PAIP2B: variants seen among roughly 807,000 people sequenced by gnomAD.
PAIP2B encodes the protein polyadenylate-binding protein-interacting protein 2B.
PAIP2B carries 13 observed loss-of-function variants against 17.0 expected under a neutral mutation model. The observed-to-expected ratio is 0.76, with a 90% CI of 0.50 to 1.22. The LOEUF (loss-of-function observed/expected upper bound fraction) is 1.22. Among genes scored for constraint, PAIP2B ranks in the 50% most tolerant of loss-of-function variants. The pLI, the probability that PAIP2B is intolerant of heterozygous loss-of-function variation, is 0.00. For synonymous variants in PAIP2B, 43 were observed against 48.7 expected (o/e 0.88, Z 0.48); for missense variants, 117 against 144.5 (o/e 0.81, Z 0.98).
chr2:71,207,974 TAGG>T (rs941107414), intron 1 of PAIP2B, among the ~76,000 whole-genome samples: 3 of 152,172 alleles, frequency 2.0e-5, no homozygotes, highest in African/African-American at 4.8e-5. Context: ...GCACCAAGAA[TAGG>T]AGAAGTCTGC....
chr2:71,211,391 T>TA, intron 1 of PAIP2B, among the ~76,000 whole-genome samples: 1 of 152,352 alleles, frequency 6.6e-6, no homozygotes. Flanking sequence ...TCTGATTTGT[T>TA]AGGCCTGAGC....
At position 71,186,563 on chromosome 2, in the gene PAIP2B, A is replaced by C. The variant is rs1259730902; in HGVS notation, c.*1916T>G. 1 of 152,254 alleles carries C rather than the reference A, an allele frequency of 6.6e-6. No homozygotes were observed. The highest frequency in any genetic ancestry group is 2.4e-5 in the African/African-American group (1 of 41,472). The allele number at this position is 152,254 out of a possible 1,614,324, so 9.4% of individuals were successfully genotyped here. On this transcript the variant is annotated 3_prime_UTR_variant, in exon 4 of 4. Transcript: ENST00000244221. ...CGGAATTCTGAGCTTGGACAGGCTCACGAGGATGAAGGAGGAAAAGCAGTC... is the reference window on the plus strand; with the variant it reads ...CGGAATTCTGAGCTTGGACAGGCTCCCGAGGATGAAGGAGGAAAAGCAGTC...
chr2:71,203,508 AC>A (rs554062542), intron 1 of PAIP2B, among the ~76,000 whole-genome samples: 62 of 152,166 alleles, frequency 4.1e-4, no homozygotes, highest in African/African-American at 1.5e-3. Context: ...ATTCATGAGT[AC>A]TATCATTTTC....
At chr2:71,189,717 G>C in intron 3 of PAIP2B, 128 bp downstream of exon 3, 2 of 837,728 alleles carry the variant, frequency 2.4e-6, no homozygotes, top group Non-Finnish European at 3.5e-6. Context: ...CCCATAAAAC[G>C]AGCAAAGAAA....
chr2:71,187,378 C>G lies in PAIP2B; in HGVS notation c.*1101G>C, dbSNP rs1449538362. 2 of 152,190 alleles carry G rather than the reference C, an allele frequency of 1.3e-5. No individual in the cohort carries two copies. Among genetic ancestry groups the G allele is most frequent in the Non-Finnish European group, 2.9e-5 (2 of 68,044 alleles). The allele number at this position is 152,190 out of a possible 1,614,324, so 9.4% of individuals were successfully genotyped here. A position where few individuals can be genotyped will look rare whatever the true frequency, so the allele number is the denominator to read the frequency against. Reference sequence around the variant, plus strand: ...ACACAGTCACATGGGTCAAGCAGGACTCACTTTCCTAGGCTGATTTTGAGT... The same window carrying G: ...ACACAGTCACATGGGTCAAGCAGGAGTCACTTTCCTAGGCTGATTTTGAGT... On this transcript the variant is annotated 3_prime_UTR_variant, in exon 4 of 4. Transcript: ENST00000244221.
At chr2:71,223,136 G>A (rs981796663) in intron 1 of PAIP2B, among the ~76,000 whole-genome samples, 2 of 152,178 alleles carry the variant, frequency 1.3e-5, no homozygotes, top group Non-Finnish European at 2.9e-5. Flanking sequence ...TTTGAGGCTG[G>A]ATGCAGAGGC....
intron 1 of PAIP2B, among the ~76,000 whole-genome samples, chr2:71,216,324 A>G (rs1366216249): frequency 6.6e-6 from 1 of 152,194 alleles, no homozygotes; most frequent in Non-Finnish European, 1.5e-5. Context: ...ACTAAATCCT[A>G]TTTGCCTAGA....
At chr2:71,218,734 C>G (rs1451905038) in intron 1 of PAIP2B, among the ~76,000 whole-genome samples, 2 of 151,812 alleles carry the variant, frequency 1.3e-5, no homozygotes, top group African/African-American at 4.8e-5. Flanking sequence ...TAATATATAG[C>G]CAGCTATTAA....
At chr2:71,212,906 A>G (rs1572935086) in intron 1 of PAIP2B, among the ~76,000 whole-genome samples, 1 of 150,812 alleles carries the variant, frequency 6.6e-6, no homozygotes, top group South Asian at 2.1e-4. Context: ...GGTGTACACC[A>G]CCAGGCATGG....
chr2:71,186,945 TC>T lies in PAIP2B; in HGVS notation c.*1533del, dbSNP rs1674557797. The T allele has an allele frequency of 6.6e-6, 1 of 152,254 alleles. No homozygotes were observed. Among genetic ancestry groups the T allele is most frequent in the South Asian group, 2.1e-4 (1 of 4,836 alleles). 9.4% of individuals were successfully genotyped at this position (152,254 alleles called of 1,614,324 possible). A position where few individuals can be genotyped will look rare whatever the true frequency, so the allele number is the denominator to read the frequency against. On this transcript the variant is annotated 3_prime_UTR_variant, in exon 4 of 4. Transcript: ENST00000244221. ...CTCATAAGGAGAATTTCTTCAGCTT[TC>T]CATACCCTAGTCCTTTCCTTCCAAC... is the stretch of plus-strand genomic sequence containing the variant.
chr2:71,183,505 G>T lies in PAIP2B; in HGVS notation c.*4974C>A, dbSNP rs1302625853. The stretch of plus-strand genomic sequence containing the variant: ...TCCCCTATAAGTCCTACGTTCGGAG[G>T]GTTCCGTTTAGACAACAGGAAGTTG... On this transcript the variant is annotated 3_prime_UTR_variant, in exon 4 of 4. Coordinates refer to ENST00000244221, the MANE Select transcript of PAIP2B (RefSeq NM_020459.1). 1.9e-4 allele frequency: 26 copies of T among 133,686 alleles called. No homozygotes were observed. The highest frequency in any genetic ancestry group is 1.3e-3 in the Admixed American group (17 of 12,622). 8.3% of individuals were successfully genotyped at this position (133,686 alleles called of 1,614,324 possible).
intron 2 of PAIP2B, 32 bp from the exon 3 acceptor site, chr2:71,190,053 C>G (rs764676428): frequency 6.3e-7 from 1 of 1,587,318 alleles, no homozygotes; most frequent in East Asian, 2.3e-5. Flanking sequence ...CTCAGACTTA[C>G]TGTCACAGCA....
At chr2:71,200,070 T>A (rs955989778) in intron 2 of PAIP2B, among the ~76,000 whole-genome samples, 1 of 152,352 alleles carries the variant, frequency 6.6e-6, no homozygotes, top group Non-Finnish European at 1.5e-5. Context: ...AAAAGACCAA[T>A]GAATGTCACT....
At chr2:71,205,498 G>T (rs970649736) in intron 1 of PAIP2B, among the ~76,000 whole-genome samples, 2 of 152,198 alleles carry the variant, frequency 1.3e-5, no homozygotes, top group African/African-American at 4.8e-5. Context: ...TACTAGCTAG[G>T]TGGCAATAGG....
At chr2:71,223,239 C>T (rs1306288972) in intron 1 of PAIP2B, among the ~76,000 whole-genome samples, 1 of 151,988 alleles carries the variant, frequency 6.6e-6, no homozygotes, top group South Asian at 2.1e-4. Context: ...ATGGTGAAAC[C>T]CTGTTTCTAC....
At chr2:71,189,259 C>T (rs972895108) in intron 3 of PAIP2B, among the ~76,000 whole-genome samples, 11 of 152,092 alleles carry the variant, frequency 7.2e-5, no homozygotes, top group Non-Finnish European at 1.2e-4. Context: ...GTGATCCACC[C>T]GCCTCAGCCT....
chr2:71,220,787 G>A (rs540302509), intron 1 of PAIP2B, among the ~76,000 whole-genome samples: 1 of 152,214 alleles, frequency 6.6e-6, no homozygotes, highest in South Asian at 2.1e-4. Flanking sequence ...ATCACACCCG[G>A]CCAGCTTCAT....
rs772486206 is a variant in PAIP2B, at chr2:71,188,482, G to A, written c.369C>T (p.Tyr123=). The A allele has an allele frequency of 7.7e-5, 124 of 1,609,082 alleles. 1 individual carries two copies. The highest frequency in any genetic ancestry group is 1.0e-4 in the Non-Finnish European group (119 of 1,177,650). ...DAKEFIPGEK[Y] ...TCTTCCTCAAAGCTTTCTCGGCTCA[G>A]TACTTCTCTCCTGGAATAAACTCCT... The change falls in exon 4 of 4, where the codon TAC becomes TAT. Residue 123 remains tyrosine, a synonymous_variant. Transcript: ENST00000244221.
At position 71,201,008 on chromosome 2, in the gene PAIP2B, G is replaced by GT. The variant is rs1674967984; in HGVS notation, c.138+1443_138+1444insA. Among the ~76,000 whole-genome samples, 97 of 32,354 alleles carry GT rather than the reference G, an allele frequency of 3.0e-3. 1 individual carries two copies. The highest frequency in any genetic ancestry group is 3.9e-3 in the Non-Finnish European group (46 of 11,714). 21.2% of individuals were successfully genotyped at this position (32,354 alleles called of 152,430 possible). On this transcript the variant is annotated intron_variant, in intron 2 of 3. Transcript: ENST00000244221. ...TTTCCTCAATCTCTTTGTGTGTGTG[G>GT]GTGTGTGTGTGTGTGTGTGTGTGTG...
Sources: allele counts gnomAD v4.1 joint callset (sites outside exome capture counted in the v4.1 genomes callset), GRCh38; gene constraint gnomAD v4.1.1; transcripts MANE v1.5; gene names NCBI Gene and HGNC (gene_info 2026-07-23, HGNC 2026-07-21).